Variants in NRDC observed in about 807,000 individuals in gnomAD.
NRDC encodes the protein nardilysin convertase, also known as nardilysin.
NRDC carries 54 observed loss-of-function variants against 147.1 expected under a neutral mutation model. The ratio of observed to expected loss-of-function variants is 0.37; its 90% CI spans 0.29 to 0.46. NRDC has a LOEUF of 0.46. Among genes scored for constraint, NRDC ranks in the 20% least tolerant of loss-of-function variants. The pLI, the probability that NRDC is intolerant of heterozygous loss-of-function variation, is 1.00. For synonymous variants in NRDC, 440 were observed against 482.1 expected (o/e 0.91, Z 1.14); for missense variants, 1,082 against 1,370.6 (o/e 0.79, Z 3.33).
At chr1:51,876,553 T>C (rs1683337379) in intron 1 of NRDC, among the ~76,000 whole-genome samples, 1 of 152,226 alleles carries the variant, frequency 6.6e-6, no homozygotes, top group Non-Finnish European at 1.5e-5. Flanking sequence ...TGTGGTGTCA[T>C]GTTGGCGCTC....
At chr1:51,798,559 C>G (rs968296349) in intron 21 of NRDC, 148 bp from the exon 22 acceptor site, 2 of 632,392 alleles carry the variant, frequency 3.2e-6, no homozygotes, top group African/African-American at 3.7e-5. Flanking sequence ...AAAACAGTAT[C>G]AGATTAACCA....
chr1:51,878,474 G>C lies in NRDC; in HGVS notation c.142C>G (p.Leu48Val). The C allele has an allele frequency of 6.2e-7, 1 of 1,613,966 alleles. No individual in the cohort carries two copies. The highest frequency in any genetic ancestry group is 2.2e-5 in the East Asian group (1 of 44,880). Residue 48 changes from leucine (L) to valine (V), a missense_variant, in exon 1 of 31, where the codon CTG becomes GTG. This residue lies in a region of NRDC where 260 missense variants were observed against 253.2 expected (regional missense o/e 1.03). Transcript: ENST00000352171. Reference sequence around the variant, plus strand: ...GCCTTGTTCCTTCCAGGCATGGCCAGAATAGGAAAGGGTCTGGCAGCAGCA... The same window carrying C: ...GCCTTGTTCCTTCCAGGCATGGCCACAATAGGAAAGGGTCTGGCAGCAGCA... ...DSAAARPFPI[L>V]AMPGRNKAKS...
intron 14 of NRDC, among the ~76,000 whole-genome samples, chr1:51,813,427 G>A (rs1679819785): frequency 6.6e-6 from 1 of 152,160 alleles, no homozygotes; most frequent in Non-Finnish European, 1.5e-5. Context: ...CACACAGTGA[G>A]TAAACGACAG....
chr1:51,846,626 G>A (rs1246550642), intron 1 of NRDC, among the ~76,000 whole-genome samples: 1 of 152,238 alleles, frequency 6.6e-6, no homozygotes, highest in Non-Finnish European at 1.5e-5. Flanking sequence ...GGCTTCAGGA[G>A]TGAAGCTGCA....
chr1:51,795,048 A>G (rs1678833429), intron 22 of NRDC, 194 bp from the exon 23 acceptor site: 2 of 1,462,782 alleles, frequency 1.4e-6, no homozygotes, highest in Admixed American at 2.4e-5. Context: ...AACACTAAGC[A>G]GCTCTTAACT....
rs534042012 is a variant in NRDC at position 51,837,748 on chromosome 1, C to T, written c.631-1536G>A. 3 of 651,504 alleles carry T rather than the reference C, an allele frequency of 4.6e-6. No individual in the cohort carries two copies. In the South Asian group the frequency reaches 2.1e-4, roughly 46 times the overall value. The allele number at this position is 651,504 out of a possible 1,614,324, so 40.4% of individuals were successfully genotyped here. A position where few individuals can be genotyped will look rare whatever the true frequency, so the allele number is the denominator to read the frequency against. On this transcript the variant is annotated intron_variant, in intron 2 of 30. Coordinates refer to ENST00000352171, the MANE Select transcript of NRDC (RefSeq NM_001101662.2). ...TTCAATGTATATCATATTCAAATTT[C>T]AACCTTGTTAATTTATCAAACTTTT...
chr1:51,877,471 G>A (rs551536959), intron 1 of NRDC, among the ~76,000 whole-genome samples: 127 of 152,060 alleles, frequency 8.4e-4, no homozygotes, highest in South Asian at 3.9e-3. Context: ...AATTAGCCTG[G>A]GCAACATCGC....
chr1:51,808,930 T>C (rs185077767), intron 17 of NRDC, among the ~76,000 whole-genome samples: 3 of 152,348 alleles, frequency 2.0e-5, no homozygotes, highest in East Asian at 3.9e-4. Flanking sequence ...ATCTATTACA[T>C]TGACTTCACA....
chr1:51,805,476 A>C (rs1679420228), intron 19 of NRDC, 34 bp downstream of exon 19: 1 of 1,486,798 alleles, frequency 6.7e-7, no homozygotes, highest in African/African-American at 1.4e-5. Flanking sequence ...ATAACTAAAA[A>C]ATGTATTTTC....
chr1:51,871,613 T>C (rs993232107), intron 1 of NRDC, among the ~76,000 whole-genome samples: 12 of 150,622 alleles, frequency 8.0e-5, no homozygotes, highest in African/African-American at 2.9e-4. Context: ...TCTTCTTCTG[T>C]GTCCTTATGA....
At chr1:51,873,696 C>T (rs1415290192) in intron 1 of NRDC, among the ~76,000 whole-genome samples, 3 of 150,888 alleles carry the variant, frequency 2.0e-5, no homozygotes, top group African/African-American at 7.3e-5. Flanking sequence ...TTTTTAGTAG[C>T]GACAGGGTTT....
At chr1:51,806,325 A>G (rs1309910407) in intron 18 of NRDC, among the ~76,000 whole-genome samples, 1 of 152,184 alleles carries the variant, frequency 6.6e-6, no homozygotes, top group Non-Finnish European at 1.5e-5. Context: ...ATCTCTTTTT[A>G]AAAACAACAA....
At chr1:51,848,708 A>G (rs1011115330) in intron 1 of NRDC, among the ~76,000 whole-genome samples, 1 of 152,194 alleles carries the variant, frequency 6.6e-6, no homozygotes, top group Non-Finnish European at 1.5e-5. Flanking sequence ...GGCCAAAGCA[A>G]TATAAACTAT....
At chr1:51,843,502 T>C (rs1203417734) in intron 1 of NRDC, among the ~76,000 whole-genome samples, 5 of 152,194 alleles carry the variant, frequency 3.3e-5, no homozygotes, top group African/African-American at 4.8e-5. Flanking sequence ...CTCAAAGTCC[T>C]TTTTCTTTGT....
At chr1:51,821,621 T>A in intron 7 of NRDC, 66 bp from the exon 8 acceptor site, 1 of 1,116,902 alleles carries the variant, frequency 9.0e-7, no homozygotes. Context: ...AGAAATGCAA[T>A]TAGATTTCTC....
Position 51,800,437 on chromosome 1 carries a change from C to T in NRDC, c.2441+119G>A, listed in dbSNP as rs908770286. 62 of 1,158,226 alleles carry T rather than the reference C, an allele frequency of 5.4e-5. No homozygotes were observed. The South Asian group carries it at 5.7e-4, about 11-fold the overall frequency. 71.7% of individuals were successfully genotyped at this position (1,158,226 alleles called of 1,614,324 possible). On this transcript the variant is annotated intron_variant, in intron 21 of 30. Coordinates refer to ENST00000352171, the MANE Select transcript of NRDC (RefSeq NM_001101662.2). Reference sequence around the variant, plus strand: ...TGCACGGGTCTCCTAAACTAGAGCACGATTCAAACACGGATGAAAATTAGC... The same window carrying T: ...TGCACGGGTCTCCTAAACTAGAGCATGATTCAAACACGGATGAAAATTAGC...
intron 1 of NRDC, among the ~76,000 whole-genome samples, chr1:51,855,533 T>TATA (rs1682192555): frequency 6.6e-6 from 1 of 151,996 alleles, no homozygotes; most frequent in African/African-American, 2.4e-5. Context: ...TAATTTTAAG[T>TATA]TTTTATAAAA....
chr1:51,840,501 G>A lies in NRDC; in HGVS notation c.355C>T (p.Gln119Ter), dbSNP rs1317967510. ...DPKQYRYIKL[Q>*]NGLQALLISD... is the part of the protein sequence containing the mutation. ...ATCAGAAGTGCCTGCAAGCCATTCT[G>A]TAATTTGATGTATCTGGGGGGAGAA... Residue 119 changes from glutamine to a stop codon, truncating the protein, a stop_gained, in exon 2 of 31, where the codon CAG becomes TAG. Transcript: ENST00000352171. LOFTEE classifies it high-confidence loss of function. The A allele has an allele frequency of 6.3e-7, 1 of 1,598,080 alleles. No homozygotes were observed. Among genetic ancestry groups the A allele is most frequent in the African/African-American group, 1.4e-5 (1 of 73,680 alleles).
At chr1:51,825,208 T>C in intron 6 of NRDC, 79 bp downstream of exon 6, 1 of 994,332 alleles carries the variant, frequency 1.0e-6, no homozygotes, top group Non-Finnish European at 1.5e-6. Flanking sequence ...GCTTTATAAT[T>C]TTCAATTCTT....
Sources: allele counts gnomAD v4.1 joint callset (sites outside exome capture counted in the v4.1 genomes callset), GRCh38; gene constraint gnomAD v4.1.1; regional missense constraint gnomAD v4.1.1; transcripts MANE v1.5; gene names NCBI Gene and HGNC (gene_info 2026-07-23, HGNC 2026-07-21).